R3HCC1L: variants seen among roughly 807,000 people sequenced by gnomAD.
The protein encoded by R3HCC1L is coiled-coil domain-containing protein R3HCC1L.
Under a neutral mutation model 59.9 loss-of-function variants are expected in R3HCC1L, and 51 were observed. The observed-to-expected ratio is 0.85, with a 90% CI of 0.68 to 1.07. The LOEUF is 1.07. Among genes scored for constraint, R3HCC1L ranks in the 50% least tolerant of loss-of-function variants. The pLI is 0.00. For synonymous variants in R3HCC1L, 322 were observed against 315.2 expected, an observed-to-expected ratio of 1.02 and a Z score of -0.23; for missense variants, 965 against 933.0, an observed-to-expected ratio of 1.03 and a Z score of -0.45.
At chr10:98,193,829 C>T (rs868644193) in intron 4 of R3HCC1L, among the ~76,000 whole-genome samples, 1 of 152,078 alleles carries the variant, frequency 6.6e-6, no homozygotes, top group Non-Finnish European at 1.5e-5. Flanking sequence ...TCAATCTGTA[C>T]AAGAAGACCA....
intron 5 of R3HCC1L, among the ~76,000 whole-genome samples, chr10:98,221,290 G>T (rs1331106499): frequency 6.6e-6 from 1 of 151,626 alleles, no homozygotes; most frequent in African/African-American, 2.4e-5. Context: ...CCCTTTGTCA[G>T]ATGAGGAGGT....
intron 5 of R3HCC1L, among the ~76,000 whole-genome samples, chr10:98,219,989 C>G (rs1854679746): frequency 6.6e-6 from 1 of 152,172 alleles, no homozygotes; most frequent in Admixed American, 6.5e-5. Flanking sequence ...CTTTAGCCAT[C>G]TCTTCTCCGG....
chr10:98,141,017 GT>G (rs796619101), intron 1 of R3HCC1L, among the ~76,000 whole-genome samples: 17 of 148,826 alleles, frequency 1.1e-4, no homozygotes, highest in East Asian at 3.9e-4. Flanking sequence ...CATTTTTCAT[GT>G]TTTTTTTTTC....
At position 98,151,905 on chromosome 10, in the gene R3HCC1L, G is replaced by GCT. The variant is rs747724965; in HGVS notation, c.-267-4176_-267-4175dup. On this transcript the variant is annotated intron_variant, in intron 1 of 9. Transcript: ENST00000298999. ...TCTGTTGAGTAAGAAATTCCAGCTCGCTCTCTCTCTCTCCCTCTCCCTCTC... is the reference window on the plus strand; with the variant it reads ...TCTGTTGAGTAAGAAATTCCAGCTCGCTCTCTCTCTCTCTCCCTCTCCCTCTC... 5.9e-5 allele frequency among the ~76,000 whole-genome samples: 9 copies of GCT among 151,756 alleles called. No homozygotes were observed. The South Asian group carries it at 1.5e-3, about 25-fold the overall frequency.
intron 5 of R3HCC1L, among the ~76,000 whole-genome samples, chr10:98,210,302 A>G (rs541900644): frequency 6.6e-6 from 1 of 152,172 alleles, no homozygotes; most frequent in Admixed American, 6.6e-5. Flanking sequence ...AGTGTTAGAC[A>G]CTGTAGAGGG....
In R3HCC1L at chr10:98,244,099, C is replaced by T. The variant is rs374287974; in HGVS notation, c.2278C>T (p.Arg760Trp). 3.2e-5 allele frequency: 51 copies of T among 1,613,468 alleles called. No individual in the cohort carries two copies. The highest frequency in any genetic ancestry group is 8.9e-5 in the East Asian group (4 of 44,884). The stretch of plus-strand genomic sequence containing the variant: ...ACTGCTCTTATTTACAGAGAGAAAG[C>T]GGTTGGAAGCCAAGCAACGGGAAGA... ...KKLQEARERK[R>W]LEAKQREDIW... Residue 760 changes from arginine (R) to tryptophan (W), a missense_variant, in exon 10 of 10, where the codon CGG (arginine) becomes TGG (tryptophan). By Grantham distance (101) the Arg-to-Trp change is moderately radical (BLOSUM62 -3). Coordinates refer to ENST00000298999, the MANE Select transcript of R3HCC1L (RefSeq NM_001351015.2).
At chr10:98,233,357 G>C (rs113927512) in intron 6 of R3HCC1L, among the ~76,000 whole-genome samples, 2 of 152,122 alleles carry the variant, frequency 1.3e-5, no homozygotes, top group South Asian at 2.1e-4. Flanking sequence ...AGTATAAAAG[G>C]CCCTCTAGAA....
rs896530686 is a variant in R3HCC1L at position 98,166,957 on chromosome 10, G to A, written c.-15+3560G>A. On this transcript the variant is annotated intron_variant, in intron 4 of 9. Transcript: ENST00000298999. ...TGGGATTACAGGCGTGAGCCACCGC[G>A]CCTGACCCCTACTTTATAATTTCTA... is the stretch of plus-strand genomic sequence containing the variant. Among the ~76,000 whole-genome samples the A allele has an allele frequency of 4.6e-5, 7 of 151,956 alleles. No homozygotes were observed. In the East Asian group the frequency reaches 1.2e-3, roughly 25 times the overall value.
chr10:98,167,673 G>A (rs1241747625), intron 4 of R3HCC1L, among the ~76,000 whole-genome samples: 1 of 152,246 alleles, frequency 6.6e-6, no homozygotes, highest in Non-Finnish European at 1.5e-5. Context: ...TCTTACAGTA[G>A]TAGTTAGATG....
intron 6 of R3HCC1L, among the ~76,000 whole-genome samples, chr10:98,234,030 C>T (rs1856659894): frequency 6.6e-6 from 1 of 152,140 alleles, no homozygotes; most frequent in Non-Finnish European, 1.5e-5. Context: ...ACAGAGTTTA[C>T]ATTTGCATTA....
At chr10:98,231,404 G>T in intron 5 of R3HCC1L, 108 bp from the exon 6 acceptor site, 2 of 1,035,642 alleles carry the variant, frequency 1.9e-6, no homozygotes, top group African/African-American at 1.6e-5. Flanking sequence ...AAAGGTTGAG[G>T]AATGGGAACA....
chr10:98,220,268 T>C (rs1406641528), intron 5 of R3HCC1L, among the ~76,000 whole-genome samples: 1 of 152,130 alleles, frequency 6.6e-6, no homozygotes, highest in Non-Finnish European at 1.5e-5. Flanking sequence ...CATGAATTGT[T>C]TGTCTGATTT....
chr10:98,240,518 T>C (rs1857416095), intron 9 of R3HCC1L, among the ~76,000 whole-genome samples: 2 of 152,248 alleles, frequency 1.3e-5, no homozygotes, highest in Admixed American at 1.3e-4. Flanking sequence ...AATTGGCTGG[T>C]TCTGAAAGGC....
In R3HCC1L at chr10:98,244,642, TTACTTGGCA is replaced by T. The variant is rs1458229510; in HGVS notation, c.*488_*496del. ...ACAAAGAGGCAGAACAGTGTCTGGT[TTACTTGGCA>T]TACACAGAATCTGCACTGCCGGTTC... On this transcript the variant is annotated 3_prime_UTR_variant, in exon 10 of 10. Coordinates refer to ENST00000298999, the MANE Select transcript of R3HCC1L (RefSeq NM_001351015.2). 2 of 154,662 alleles carry T rather than the reference TTACTTGGCA, an allele frequency of 1.3e-5. No individual in the cohort carries two copies. Among genetic ancestry groups the T allele is most frequent in the East Asian group, 3.8e-4 (2 of 5,276 alleles). 9.6% of individuals were successfully genotyped at this position (154,662 alleles called of 1,614,324 possible). A position where few individuals can be genotyped will look rare whatever the true frequency, so the allele number is the denominator to read the frequency against.
chr10:98,177,731 T>C (rs576309315), intron 4 of R3HCC1L, among the ~76,000 whole-genome samples: 9 of 152,318 alleles, frequency 5.9e-5, no homozygotes, highest in South Asian at 4.1e-4. Context: ...TTCTAATTGG[T>C]GTGAGATGGT....
chr10:98,233,052 G>A (rs1856561520), intron 6 of R3HCC1L, among the ~76,000 whole-genome samples: 1 of 151,902 alleles, frequency 6.6e-6, no homozygotes, highest in Non-Finnish European at 1.5e-5. Context: ...CTAGAATTAG[G>A]TTAAAATCTA....
chr10:98,199,182 T>TA (rs1851772841), intron 4 of R3HCC1L, among the ~76,000 whole-genome samples: 1 of 152,098 alleles, frequency 6.6e-6, no homozygotes, highest in South Asian at 2.1e-4. Flanking sequence ...AGATCATTCT[T>TA]AAACTAAAGA....
Position 98,209,115 on chromosome 10 carries a change from A to G in R3HCC1L, c.1001A>G (p.Glu334Gly). The change falls in exon 5 of 10, where the codon GAG becomes GGG. Residue 334 changes from glutamate to glycine, a missense_variant. Coordinates refer to ENST00000298999, the MANE Select transcript of R3HCC1L (RefSeq NM_001351015.2). ...AGTCCAGTAATGATTAGAGAATGTG[A>G]GAAGAATGACAGCACTGCTGATGAG... ...TVSPVMIRECEKNDSTADELH... is the reference protein window; with the variant it reads ...TVSPVMIRECGKNDSTADELH... 6.2e-7 allele frequency: 1 copy of G among 1,614,070 alleles called. No homozygotes were observed. The highest frequency in any genetic ancestry group is 8.5e-7 in the Non-Finnish European group (1 of 1,179,980).
At position 98,149,862 on chromosome 10, in the gene R3HCC1L, T is replaced by C. The variant is rs141571356; in HGVS notation, c.-267-6231T>C. On this transcript the variant is annotated intron_variant, in intron 1 of 9. Transcript: ENST00000298999. ...GTGTGTAGTTTAACTCTGATGTTTC[T>C]TTGTTGATGTTTTTTTGTCTGGATG... Among the ~76,000 whole-genome samples, 1,105 of 152,348 alleles carry C rather than the reference T, an allele frequency of 7.3e-3. 15 individuals are homozygous for C. Among genetic ancestry groups the C allele is most frequent in the African/African-American group, 0.024 (1,011 of 41,578 alleles).
Sources: allele counts gnomAD v4.1 joint callset (sites outside exome capture counted in the v4.1 genomes callset), GRCh38; gene constraint gnomAD v4.1.1; transcripts MANE v1.5; gene names NCBI Gene and HGNC (gene_info 2026-07-23, HGNC 2026-07-21).